ANTXR1: variants seen among roughly 807,000 people sequenced by gnomAD.
The protein encoded by ANTXR1 is ANTXR cell adhesion molecule 1.
Under a neutral mutation model 78.1 loss-of-function variants are expected in ANTXR1, and 19 were observed. The observed-to-expected ratio is 0.24, with a 90% CI of 0.17 to 0.36. The LOEUF is 0.36. Among genes scored for constraint, ANTXR1 ranks in the 10% least tolerant of loss-of-function variants. ANTXR1 has a pLI of 1.00. For synonymous variants in ANTXR1, 273 were observed against 260.5 expected (o/e 1.05, Z -0.46); for missense variants, 518 against 718.6 (o/e 0.72, Z 3.19).
intron 17 of ANTXR1, among the ~76,000 whole-genome samples, chr2:69,232,187 C>A (rs1675616723): frequency 6.6e-6 from 1 of 151,894 alleles, no homozygotes; most frequent in African/African-American, 2.4e-5. Context: ...ATAAAGCAAG[C>A]AGATGAAAAA....
intron 17 of ANTXR1, among the ~76,000 whole-genome samples, chr2:69,209,864 G>A (rs1674997192): frequency 6.6e-6 from 1 of 152,234 alleles, no homozygotes; most frequent in Non-Finnish European, 1.5e-5. Context: ...ATGTAACATG[G>A]AGGGGAGGGC....
At chr2:69,204,380 C>T (rs150608845) in intron 17 of ANTXR1, among the ~76,000 whole-genome samples, 3 of 152,316 alleles carry the variant, frequency 2.0e-5, no homozygotes, top group East Asian at 1.9e-4. Flanking sequence ...CAACCTGACC[C>T]TCAGTCTCGG....
rs80214716 is a variant in ANTXR1 at position 69,189,358 on chromosome 2, T to C, written c.1354-3977T>C. ...ACAGCCCTTGAAAGTAGAAAGTACTTATCCATCGGTAAATAGACACCCAGA... is the reference window on the plus strand; with the variant it reads ...ACAGCCCTTGAAAGTAGAAAGTACTCATCCATCGGTAAATAGACACCCAGA... On this transcript the variant is annotated intron_variant, in intron 16 of 17. Transcript: ENST00000303714. 7.8e-3 allele frequency among the ~76,000 whole-genome samples: 1,188 copies of C among 152,320 alleles called. 18 individuals carry two copies. The highest frequency in any genetic ancestry group is 0.027 in the African/African-American group (1,116 of 41,558).
At chr2:69,235,280 C>T (rs572592099) in intron 17 of ANTXR1, among the ~76,000 whole-genome samples, 2 of 152,114 alleles carry the variant, frequency 1.3e-5, no homozygotes, top group South Asian at 4.1e-4. Context: ...ATCTTGGCCT[C>T]CCAAAGTGCT....
intron 17 of ANTXR1, among the ~76,000 whole-genome samples, chr2:69,224,690 C>T (rs560123521): frequency 6.6e-6 from 1 of 152,128 alleles, no homozygotes; most frequent in African/African-American, 2.4e-5. Flanking sequence ...TACAGCTGCT[C>T]TTCCATCCCC....
intron 1 of ANTXR1, among the ~76,000 whole-genome samples, chr2:69,021,020 G>A (rs6713211): frequency 0.23 from 35,184 of 152,152 alleles, 6,799 homozygotes; most frequent in African/African-American, 0.53. Flanking sequence ...TAGGCAGCCA[G>A]AGCTAAAGGC....
chr2:69,049,297 ATTTC>A (rs1190611320), intron 3 of ANTXR1, among the ~76,000 whole-genome samples: 1 of 151,892 alleles, frequency 6.6e-6, no homozygotes, highest in Non-Finnish European at 1.5e-5. Flanking sequence ...TTTTTTGTTG[ATTTC>A]TTTTATTTTT....
intron 12 of ANTXR1, among the ~76,000 whole-genome samples, chr2:69,127,495 G>A (rs1274980323): frequency 6.6e-6 from 1 of 152,078 alleles, no homozygotes; most frequent in African/African-American, 2.4e-5. Flanking sequence ...GGGATAGGAT[G>A]TGCAGGGTTG....
intron 3 of ANTXR1, among the ~76,000 whole-genome samples, chr2:69,047,173 C>G (rs931354238): frequency 3.3e-5 from 5 of 152,124 alleles, no homozygotes; most frequent in African/African-American, 1.2e-4. Flanking sequence ...TTGGTATACT[C>G]AGGGATCATG....
intron 8 of ANTXR1, among the ~76,000 whole-genome samples, chr2:69,083,705 A>G (rs1280709552): frequency 6.6e-6 from 1 of 152,200 alleles, no homozygotes; most frequent in African/African-American, 2.4e-5. Flanking sequence ...CCTACACTGC[A>G]CAACAAGAGG....
intron 14 of ANTXR1, among the ~76,000 whole-genome samples, chr2:69,171,915 A>C (rs748840351): frequency 2.0e-5 from 3 of 152,246 alleles, no homozygotes; most frequent in Non-Finnish European, 4.4e-5. Context: ...AGCTGACTTC[A>C]TTTCCCAAAC....
At chr2:69,213,217 G>A (rs569941786) in intron 17 of ANTXR1, among the ~76,000 whole-genome samples, 99 of 152,280 alleles carry the variant, frequency 6.5e-4, no homozygotes, top group African/African-American at 2.1e-3. Flanking sequence ...TTTCACAGAG[G>A]AGGGGCCTAA....
At chr2:69,126,180 C>T (rs1672530347) in intron 12 of ANTXR1, among the ~76,000 whole-genome samples, 1 of 152,148 alleles carries the variant, frequency 6.6e-6, no homozygotes. Flanking sequence ...CAACAGTCTC[C>T]CTCCTAATGC....
At chr2:69,088,792 AAC>A (rs1236784061) in intron 8 of ANTXR1, among the ~76,000 whole-genome samples, 1 of 152,220 alleles carries the variant, frequency 6.6e-6, no homozygotes, top group Non-Finnish European at 1.5e-5. Context: ...CCAGCAGGGA[AAC>A]ACAGGTGCCC....
In ANTXR1 at chr2:69,194,198, GA is replaced by G. The variant is rs1200752102; in HGVS notation, c.1434+786del. On this transcript the variant is annotated intron_variant, in intron 17 of 17. Coordinates refer to ENST00000303714, the MANE Select transcript of ANTXR1 (RefSeq NM_032208.3). ...CACTGGAAACAACCTCAGTTCTGCC[GA>G]AACAACACTATCACTATTTCTTCAT... Among the ~76,000 whole-genome samples the G allele has an allele frequency of 2.0e-5, 3 of 152,168 alleles. No homozygotes were observed. In the East Asian group the frequency reaches 5.8e-4, roughly 29 times the overall value.
intron 8 of ANTXR1, among the ~76,000 whole-genome samples, chr2:69,080,480 C>T (rs1670869248): frequency 6.6e-6 from 1 of 152,146 alleles, no homozygotes. Flanking sequence ...AAGTTTTCTG[C>T]CCATAATGCT....
At chr2:69,179,583 G>A (rs1674224439) in intron 14 of ANTXR1, among the ~76,000 whole-genome samples, 1 of 151,882 alleles carries the variant, frequency 6.6e-6, no homozygotes, top group African/African-American at 2.4e-5. Context: ...AAATGAGCGT[G>A]TATTTGTTGC....
intron 17 of ANTXR1, among the ~76,000 whole-genome samples, chr2:69,213,606 C>G (rs997192141): frequency 6.6e-6 from 1 of 152,256 alleles, no homozygotes; most frequent in African/African-American, 2.4e-5. Flanking sequence ...TTACCTTCCG[C>G]AAAGACCAGC....
At chr2:69,122,081 C>T (rs1282492274) in intron 10 of ANTXR1, among the ~76,000 whole-genome samples, 1 of 152,224 alleles carries the variant, frequency 6.6e-6, no homozygotes, top group Admixed American at 6.5e-5. Flanking sequence ...ACTTACAGAA[C>T]TTTGTGCAAA....
Sources: gnomAD v4.1 joint callset for allele counts (sites outside exome capture counted in the v4.1 genomes callset) on GRCh38, gnomAD v4.1.1 for gene constraint, MANE v1.5 for transcripts, NCBI Gene and HGNC (gene_info 2026-07-23, HGNC 2026-07-21) for gene names.